Variants in ARHGAP31 observed in about 807,000 individuals in gnomAD.
The protein encoded by ARHGAP31 is Rho GTPase activating protein 31.
In ARHGAP31, 34 loss-of-function variants were observed where a neutral mutation model predicts 113.9. The observed-to-expected ratio is 0.30, with a 90% CI of 0.23 to 0.40. The LOEUF is 0.40. Ranked by LOEUF, ARHGAP31 falls within the 10% of genes least tolerant of loss-of-function variation. The pLI, the probability that ARHGAP31 is intolerant of heterozygous loss-of-function variation, is 1.00. For synonymous variants in ARHGAP31, 650 were observed against 684.8 expected (o/e 0.95, Z 0.79); for missense variants, 1,548 against 1,767.1 (o/e 0.88, Z 2.22).
chr3:119,331,902 C>T (rs9832224), intron 1 of ARHGAP31, among the ~76,000 whole-genome samples: 18,100 of 151,990 alleles, frequency 0.12, 1,655 homozygotes, highest in African/African-American at 0.26. Flanking sequence ...CTGCCTGCAC[C>T]GCCTCACTAC....
Position 119,416,109 on chromosome 3 carries a change from G to A in ARHGAP31, c.4180G>A (p.Glu1394Lys). The change falls in exon 12 of 12, where the codon GAA becomes AAA. Residue 1394 changes from glutamate to lysine, a missense_variant. By Grantham distance (56) the Glu-to-Lys change is moderately conservative. Transcript: ENST00000264245. ...TGGCCTTCTTTGTGGAGAGTTGGCAGAAAACACATGGGTCACACCAGAAGG... is the reference window on the plus strand; with the variant it reads ...TGGCCTTCTTTGTGGAGAGTTGGCAAAAAACACATGGGTCACACCAGAAGG... ...SPGLLCGELA[E>K]NTWVTPEGVT... The A allele has an allele frequency of 6.2e-7, 1 of 1,614,154 alleles. No homozygotes were observed. The highest frequency in any genetic ancestry group is 1.3e-5 in the African/African-American group (1 of 75,024).
chr3:119,397,701 A>G (rs1270446717), intron 8 of ARHGAP31, among the ~76,000 whole-genome samples: 1 of 152,238 alleles, frequency 6.6e-6, no homozygotes, highest in Admixed American at 6.5e-5. Flanking sequence ...CAGAAGGAGC[A>G]GGTTTGGATC....
intron 7 of ARHGAP31, among the ~76,000 whole-genome samples, chr3:119,393,264 G>A (rs1392572159): frequency 6.6e-6 from 1 of 152,092 alleles, no homozygotes; most frequent in African/African-American, 2.4e-5. Flanking sequence ...AGTTTGCTGT[G>A]ACTCATGAAA....
chr3:119,309,949 G>GT (rs57460032), intron 1 of ARHGAP31, among the ~76,000 whole-genome samples: 53,115 of 143,916 alleles, frequency 0.37, 9,673 homozygotes, highest in Non-Finnish European at 0.41. Flanking sequence ...ACTATCAACT[G>GT]TTTTTTTTTT....
intron 6 of ARHGAP31, among the ~76,000 whole-genome samples, chr3:119,388,331 CA>C (rs1471031133): frequency 2.4e-5 from 2 of 83,894 alleles, no homozygotes; most frequent in Non-Finnish European, 4.9e-5. Flanking sequence ...TATATGTACA[CA>C]TTTTAAAATG....
intron 2 of ARHGAP31, among the ~76,000 whole-genome samples, chr3:119,367,091 T>TAA (rs10706024): frequency 2.1e-5 from 3 of 143,526 alleles, no homozygotes; most frequent in Non-Finnish European, 3.1e-5. Context: ...AAACTCCATC[T>TAA]AAAAAAAAAA....
At chr3:119,359,356 T>C (rs968399250) in intron 1 of ARHGAP31, among the ~76,000 whole-genome samples, 5 of 152,128 alleles carry the variant, frequency 3.3e-5, no homozygotes, top group Admixed American at 2.6e-4. Flanking sequence ...ATAAAATGCT[T>C]AAAAGGAAAC....
intron 4 of ARHGAP31, among the ~76,000 whole-genome samples, chr3:119,381,677 C>T (rs961438200): frequency 2.6e-5 from 4 of 152,140 alleles, no homozygotes; most frequent in African/African-American, 7.2e-5. Context: ...GTTGAAAGGA[C>T]GAACAAATGG....
chr3:119,296,550 A>G (rs546192566), intron 1 of ARHGAP31, among the ~76,000 whole-genome samples: 1 of 152,290 alleles, frequency 6.6e-6, no homozygotes, highest in African/African-American at 2.4e-5. Flanking sequence ...ACCTTTCACC[A>G]TGCGGGTGTT....
intron 1 of ARHGAP31, among the ~76,000 whole-genome samples, chr3:119,348,455 T>C (rs2080081458): frequency 6.6e-6 from 1 of 152,164 alleles, no homozygotes; most frequent in African/African-American, 2.4e-5. Flanking sequence ...TGCCCACATA[T>C]TTGACAGTAA....
At chr3:119,390,326 ATGTGCTGTCCAGC>A (rs1165570477) in intron 6 of ARHGAP31, among the ~76,000 whole-genome samples, 2 of 152,238 alleles carry the variant, frequency 1.3e-5, no homozygotes, top group Non-Finnish European at 2.9e-5. Flanking sequence ...GCCTTGGAGC[ATGTGCTGTCCAGC>A]TGTGGGGAGG....
intron 7 of ARHGAP31, among the ~76,000 whole-genome samples, chr3:119,392,475 G>A (rs1327147398): frequency 6.6e-6 from 1 of 152,170 alleles, no homozygotes; most frequent in Non-Finnish European, 1.5e-5. Context: ...CAACAAACAT[G>A]GTGGGCTTGA....
Position 119,299,043 on chromosome 3 carries a change from CTG to C in ARHGAP31, c.100+4041_100+4042del, listed in dbSNP as rs146670357. 1.2e-3 allele frequency: 185 copies of C among 158,450 alleles called. 1 individual carries two copies. The highest frequency in any genetic ancestry group is 4.3e-3 in the African/African-American group (178 of 41,706). 9.8% of individuals were successfully genotyped at this position (158,450 alleles called of 1,614,324 possible). On this transcript the variant is annotated intron_variant, in intron 1 of 11. Transcript: ENST00000264245. The stretch of plus-strand genomic sequence containing the variant: ...TGAGTCCTTAAGGGCTGAAGAAAAA[CTG>C]TTCTCTCTAGAAAAATAAAATGGAA...
chr3:119,327,686 T>A (rs1448433), intron 1 of ARHGAP31, among the ~76,000 whole-genome samples: 54,298 of 152,106 alleles, frequency 0.36, 10,027 homozygotes, highest in Non-Finnish European at 0.41. Flanking sequence ...CTTGTGTATA[T>A]TTACTTCTTT....
At chr3:119,336,970 A>C (rs913872356) in intron 1 of ARHGAP31, among the ~76,000 whole-genome samples, 7 of 152,198 alleles carry the variant, frequency 4.6e-5, no homozygotes, top group African/African-American at 1.4e-4. Context: ...ATCCACATTA[A>C]AGCTTATGTT....
chr3:119,373,922 A>G (rs2080324905), intron 3 of ARHGAP31, among the ~76,000 whole-genome samples: 1 of 152,254 alleles, frequency 6.6e-6, no homozygotes, highest in Admixed American at 6.5e-5. Flanking sequence ...TCAGATGTGC[A>G]CACAAATAAT....
At chr3:119,408,849 A>G (rs2080689077) in intron 10 of ARHGAP31, among the ~76,000 whole-genome samples, 2 of 152,222 alleles carry the variant, frequency 1.3e-5, no homozygotes, top group Non-Finnish European at 2.9e-5. Context: ...TTAAGAACAG[A>G]ACTTAATCAC....
At position 119,414,633 on chromosome 3, in the gene ARHGAP31, C is replaced by T; in HGVS notation, c.2704C>T (p.Leu902=). The T allele has an allele frequency of 6.2e-7, 1 of 1,614,222 alleles. No individual in the cohort carries two copies. ...TGTGACAGACATTGCCCAGCATGGC[C>T]TGGAGATGGTGGAGCCCTGGGAGGA... is the stretch of plus-strand genomic sequence containing the variant. ...DTVTDIAQHG[L]EMVEPWEEPQ... The change falls in exon 12 of 12, where the codon CTG becomes TTG. Residue 902 remains leucine (L), a synonymous_variant. Transcript: ENST00000264245.
At chr3:119,359,039 A>G (rs538329490) in intron 1 of ARHGAP31, among the ~76,000 whole-genome samples, 1 of 150,292 alleles carries the variant, frequency 6.7e-6, no homozygotes, top group East Asian at 1.9e-4. Context: ...TTTGAGACAG[A>G]GTCTCACTCA....
Sources: gnomAD v4.1 joint callset for allele counts (sites outside exome capture counted in the v4.1 genomes callset) on GRCh38, gnomAD v4.1.1 for gene constraint, MANE v1.5 for transcripts, NCBI Gene and HGNC (gene_info 2026-07-23, HGNC 2026-07-21) for gene names.